The following WNK2 variants were observed in gnomAD, a reference collection of about 807,000 sequenced individuals.
WNK2 encodes WNK lysine deficient protein kinase 2.
Under a neutral mutation model 192.1 loss-of-function variants are expected in WNK2, and 67 were observed. That is an observed-to-expected ratio of 0.35 (90% CI 0.29 to 0.43). The LOEUF is 0.43. WNK2 is among the 20% of genes least tolerant of loss of function. The pLI is 1.00. For synonymous variants in WNK2, 1,439 were observed against 1,393.9 expected (o/e 1.03, Z -0.72); for missense variants, 2,698 against 3,089.7 (o/e 0.87, Z 3.01).
At chr9:93,252,793 T>G (rs2132648694) in intron 8 of WNK2, 90 bp from the exon 9 acceptor site, 1 of 1,206,198 alleles carries the variant, frequency 8.3e-7, no homozygotes, top group Non-Finnish European at 1.1e-6. Context: ...CAAGCCTTTA[T>G]TTTGCAGAAG....
At position 93,320,368 on chromosome 9, in the gene WNK2, T is replaced by A; in HGVS notation, c.6630T>A (p.Asp2210Glu). Residue 2210 changes from aspartate (D) to glutamate (E), a missense_variant and splice_region_variant, in exon 30 of 30, where the codon GAT (aspartate) becomes GAA (glutamate). This residue lies in a region of WNK2 where 167 missense variants were observed against 184.2 expected (regional missense o/e 0.91). Transcript: ENST00000427277. ...AAPTLSVPTPDPESEKPD is the reference protein window; with the variant it reads ...AAPTLSVPTPEPESEKPD ...CAGCTGCGCGGTTTTGTTTTCCAGATCCTGAGAGTGAGAAGCCTGACTGAC... is the reference window on the plus strand; with the variant it reads ...CAGCTGCGCGGTTTTGTTTTCCAGAACCTGAGAGTGAGAAGCCTGACTGAC... The A allele has an allele frequency of 2.2e-6, 3 of 1,367,562 alleles. No individual in the cohort carries two copies. The South Asian group carries it at 3.4e-5, about 16-fold the overall frequency. 84.7% of individuals were successfully genotyped at this position (1,367,562 alleles called of 1,614,324 possible). A position where few individuals can be genotyped will look rare whatever the true frequency, so the allele number is the denominator to read the frequency against.
chr9:93,317,311 G>A, intron 28 of WNK2: 1 of 607,026 alleles, frequency 1.6e-6, no homozygotes, highest in Non-Finnish European at 2.9e-6. Context: ...CTATCAGGCT[G>A]CAGCTTGGGG....
rs750811844 is a variant in WNK2 at position 93,259,095 on chromosome 9, T to C, written c.2547T>C (p.Pro849=). The stretch of plus-strand genomic sequence containing the variant: ...CGAGCCTCGCTGCCCCACTCCCCCC[T>C]GCGTCCCCAGCCTTGCCTCTGCAGG... ...ILPSLAAPLP[P]ASPALPLQAV... Residue 849 remains proline (P), a synonymous_variant, in exon 12 of 30, where the codon CCT becomes CCC. Transcript: ENST00000427277. The surrounding 1 kb of genome is among the most constrained non-coding windows in gnomAD (Gnocchi z 4.8). 13 of 1,611,120 alleles carry C rather than the reference T, an allele frequency of 8.1e-6. No homozygotes were observed. In the South Asian group the frequency reaches 1.3e-4, roughly 16 times the overall value.
intron 4 of WNK2, among the ~76,000 whole-genome samples, chr9:93,232,761 G>A (rs1331640839): frequency 6.6e-6 from 1 of 152,092 alleles, no homozygotes; most frequent in Non-Finnish European, 1.5e-5. Flanking sequence ...CTTGTGACCC[G>A]CATGGTTGCC....
intron 2 of WNK2, among the ~76,000 whole-genome samples, chr9:93,213,319 CTTCA>C (rs965231133): frequency 9.9e-5 from 15 of 152,096 alleles, no homozygotes; most frequent in Non-Finnish European, 2.1e-4. Context: ...TTTCACTTTA[CTTCA>C]TTCATATTTT....
chr9:93,314,446 GAA>G (rs111885432), intron 28 of WNK2, among the ~76,000 whole-genome samples: 1 of 130,128 alleles, frequency 7.7e-6, no homozygotes, highest in East Asian at 2.2e-4. Context: ...GACCCTGTCT[GAA>G]AAAAAAAAAA....
In WNK2 at chr9:93,247,216, GC is replaced by G. The variant is rs973364055; in HGVS notation, c.1543-323del. The stretch of plus-strand genomic sequence containing the variant: ...CTTCTGAGTATGGAGACAATCAGGA[GC>G]CCCTTCCCGTCTGCCACCAGCCCCG... On this transcript the variant is annotated intron_variant, in intron 7 of 29. Transcript: ENST00000427277. This position sits in a 1 kb window ranked among gnomAD's most constrained non-coding sequence, Gnocchi z 5.2. Among the ~76,000 whole-genome samples the G allele has an allele frequency of 6.6e-6, 1 of 152,234 alleles. No homozygotes were observed. Among genetic ancestry groups the G allele is most frequent in the Non-Finnish European group, 1.5e-5 (1 of 68,046 alleles).
At chr9:93,223,168 T>A (rs2131844867) in intron 2 of WNK2, among the ~76,000 whole-genome samples, 1 of 152,358 alleles carries the variant, frequency 6.6e-6, no homozygotes, top group Middle Eastern at 3.4e-3. Context: ...AGGCCTCCCC[T>A]TTGCTGGTCA....
At chr9:93,233,311 T>C (rs1839222113) in intron 4 of WNK2, among the ~76,000 whole-genome samples, 1 of 152,216 alleles carries the variant, frequency 6.6e-6, no homozygotes, top group Admixed American at 6.5e-5. Flanking sequence ...TCAGCTCCTG[T>C]TGTTTCTCAT....
rs550246230 is a variant in WNK2, at chr9:93,288,338, C to T, written c.4034-450C>T. ...CCTGGGCATGGAAGTGTGTACAGCTCACTACTTAAACTCTTTAATTTTGAA... is the reference window on the plus strand; with the variant it reads ...CCTGGGCATGGAAGTGTGTACAGCTTACTACTTAAACTCTTTAATTTTGAA... On this transcript the variant is annotated intron_variant, in intron 19 of 29. Transcript: ENST00000427277. 4.0e-4 allele frequency among the ~76,000 whole-genome samples: 61 copies of T among 152,242 alleles called. No individual in the cohort carries two copies. The South Asian group carries it at 0.011, about 27-fold the overall frequency.
At chr9:93,295,427 T>A (rs1850094615) in intron 23 of WNK2, among the ~76,000 whole-genome samples, 1 of 152,054 alleles carries the variant, frequency 6.6e-6, no homozygotes, top group Non-Finnish European at 1.5e-5. Flanking sequence ...ATTTATTTTG[T>A]TTAGTAGTTA....
intron 28 of WNK2, among the ~76,000 whole-genome samples, chr9:93,314,512 A>G (rs941316307): frequency 1.3e-5 from 2 of 152,040 alleles, no homozygotes; most frequent in African/African-American, 4.8e-5. Flanking sequence ...GAAGAAATAC[A>G]CGCTTTTTTC....
chr9:93,284,993 C>T (rs772387906), intron 19 of WNK2, among the ~76,000 whole-genome samples: 2 of 152,144 alleles, frequency 1.3e-5, no homozygotes, highest in Admixed American at 6.5e-5. Flanking sequence ...ATAGTAGACA[C>T]GCAGAGCTGA....
In WNK2 at chr9:93,247,022, C is replaced by T. The variant is rs1269497178; in HGVS notation, c.1543-521C>T. Among the ~76,000 whole-genome samples, 1 of 152,204 alleles carries T rather than the reference C, an allele frequency of 6.6e-6. No homozygotes were observed. The highest frequency in any genetic ancestry group is 1.5e-5 in the Non-Finnish European group (1 of 68,042). On this transcript the variant is annotated intron_variant, in intron 7 of 29. Coordinates refer to ENST00000427277, the MANE Select transcript of WNK2 (RefSeq NM_006648.4). The surrounding 1 kb of genome is among the most constrained non-coding windows in gnomAD (Gnocchi z 5.2). ...GCTCTCAAGGCTGTGCTTGGTAAAT[C>T]AGTTTTAAAATTTGCCAGGCATCAG...
chr9:93,218,621 G>A (rs547495673), intron 2 of WNK2, among the ~76,000 whole-genome samples: 1 of 152,292 alleles, frequency 6.6e-6, no homozygotes, highest in East Asian at 1.9e-4. Context: ...TCTGGTCCAG[G>A]GCCGAGGGTT....
chr9:93,266,233 G>T (rs1019668608), intron 16 of WNK2, among the ~76,000 whole-genome samples: 2 of 152,140 alleles, frequency 1.3e-5, no homozygotes, highest in East Asian at 3.9e-4. Flanking sequence ...TGAGTGTGAG[G>T]TACCAGCTGT....
intron 12 of WNK2, among the ~76,000 whole-genome samples, chr9:93,260,912 C>T (rs1005561216): frequency 6.6e-6 from 1 of 152,186 alleles, no homozygotes; most frequent in Non-Finnish European, 1.5e-5. Context: ...ACCTGAAGAG[C>T]CTTTCTGGGC....
rs780349304 is a variant in WNK2 at position 93,290,076 on chromosome 9, C to T, written c.4936+29C>T. ...ACAGCTTCCTGCTGAACCCTGCGTTCACAAGGTGCTGCCTGGCTTCCTTGC... is the reference window on the plus strand; with the variant it reads ...ACAGCTTCCTGCTGAACCCTGCGTTTACAAGGTGCTGCCTGGCTTCCTTGC... On this transcript the variant is annotated intron_variant, in intron 21 of 29. Transcript: ENST00000427277. 16 of 1,550,568 alleles carry T rather than the reference C, an allele frequency of 1.0e-5. No homozygotes were observed. In the South Asian group the frequency reaches 1.7e-4, roughly 16 times the overall value.
In WNK2 at chr9:93,256,298, G is replaced by A. The variant is rs748238198; in HGVS notation, c.2035-1G>A. The A allele has an allele frequency of 1.0e-5, 16 of 1,554,844 alleles. No individual in the cohort carries two copies. In the South Asian group the frequency reaches 1.7e-4, roughly 16 times the overall value. ...GAGTGTGGCCCTGGTGCTCTCTGCA[G>A]CCTGGCTTGCCGGTGGGCTCTGTCC... is the stretch of plus-strand genomic sequence containing the variant. On this transcript the variant is annotated splice_acceptor_variant, in intron 9 of 29. Coordinates refer to ENST00000427277, the MANE Select transcript of WNK2 (RefSeq NM_006648.4). LOFTEE classifies it high-confidence loss of function.
Sources: allele counts gnomAD v4.1 joint callset (sites outside exome capture counted in the v4.1 genomes callset), GRCh38; gene constraint gnomAD v4.1.1; regional missense constraint gnomAD v4.1.1; non-coding constraint Gnocchi (gnomAD v3.1); transcripts MANE v1.5; gene names NCBI Gene and HGNC (gene_info 2026-07-23, HGNC 2026-07-21).